The following TECRL variants were observed in gnomAD, a reference collection of about 807,000 sequenced individuals.
TECRL encodes trans-2,3-enoyl-CoA reductase like.
Under a neutral mutation model 52.8 loss-of-function variants are expected in TECRL, and 63 were observed. The ratio of observed to expected loss-of-function variants is 1.19; its 90% CI spans 0.97 to 1.47. The LOEUF (loss-of-function observed/expected upper bound fraction) is 1.47, where lower values mean the gene tolerates loss of function less well. TECRL is among the 40% of genes most tolerant of loss of function. The pLI, the probability that TECRL is intolerant of heterozygous loss-of-function variation, is 0.00. For missense variants in TECRL, 482 were observed against 429.6 expected (o/e 1.12, Z -1.08); for synonymous variants, 164 against 141.9 (o/e 1.16, Z -1.10).
chr4:64,282,685 G>A (rs1306295892), intron 9 of TECRL, among the ~76,000 whole-genome samples: 1 of 151,994 alleles, frequency 6.6e-6, no homozygotes, highest in Non-Finnish European at 1.5e-5. Context: ...CCCTAGAGGT[G>A]TGGAATGATC....
intron 2 of TECRL, among the ~76,000 whole-genome samples, chr4:64,361,044 T>G (rs1006156535): frequency 6.9e-6 from 1 of 144,880 alleles, no homozygotes; most frequent in Non-Finnish European, 1.5e-5. Flanking sequence ...GCCTTCCCCA[T>G]GTGACAGGGC....
chr4:64,371,083 T>A (rs1215780114), intron 2 of TECRL, among the ~76,000 whole-genome samples: 2 of 151,690 alleles, frequency 1.3e-5, no homozygotes, highest in Non-Finnish European at 3.0e-5. Flanking sequence ...ATCACAGAAG[T>A]GGTCATCCAT....
chr4:64,365,495 C>T (rs1275732708), intron 2 of TECRL, among the ~76,000 whole-genome samples: 4 of 152,078 alleles, frequency 2.6e-5, no homozygotes, highest in African/African-American at 9.7e-5. Flanking sequence ...ATAGTCTGGG[C>T]TCAAAGGCTC....
At chr4:64,280,871 C>A (rs914801237) in intron 11 of TECRL, among the ~76,000 whole-genome samples, 170 bp downstream of exon 11, 1 of 152,050 alleles carries the variant, frequency 6.6e-6, no homozygotes, top group Non-Finnish European at 1.5e-5. Flanking sequence ...AGACAAAGAG[C>A]AAAAGTACTT....
chr4:64,344,251 T>C (rs553802878), intron 2 of TECRL, among the ~76,000 whole-genome samples: 2 of 152,162 alleles, frequency 1.3e-5, no homozygotes, highest in South Asian at 4.1e-4. Context: ...TCTATTTATA[T>C]CTCTATATAA....
intron 8 of TECRL, among the ~76,000 whole-genome samples, chr4:64,294,216 A>T (rs1421491133): frequency 2.0e-5 from 3 of 151,822 alleles, no homozygotes; most frequent in Non-Finnish European, 4.4e-5. Context: ...CAAACTCCTG[A>T]CCTCAAGTGA....
intron 2 of TECRL, among the ~76,000 whole-genome samples, chr4:64,330,586 T>C (rs1004292097): frequency 2.6e-5 from 4 of 152,096 alleles, no homozygotes; most frequent in African/African-American, 9.7e-5. Context: ...GAAGAATACT[T>C]GACCCTTGGA....
intron 8 of TECRL, among the ~76,000 whole-genome samples, chr4:64,290,061 TGG>T (rs997733966): frequency 5.3e-5 from 8 of 152,194 alleles, no homozygotes. Context: ...CTTGTTACTA[TGG>T]GGAGACTTCC....
At chr4:64,378,430 G>A (rs1039311688) in intron 1 of TECRL, among the ~76,000 whole-genome samples, 1 of 152,020 alleles carries the variant, frequency 6.6e-6, no homozygotes, top group Non-Finnish European at 1.5e-5. Context: ...AGCAGGGCAT[G>A]GAGGGGTGTG....
At chr4:64,375,420 TG>T (rs1722330420) in intron 1 of TECRL, among the ~76,000 whole-genome samples, 197 bp from the exon 2 acceptor site, 1 of 151,994 alleles carries the variant, frequency 6.6e-6, no homozygotes. Flanking sequence ...TAAAAAAATT[TG>T]TTTGTATACA....
At chr4:64,276,846 C>A (rs1722592226), downstream of TECRL, 1 of 371,488 alleles carries the variant, frequency 2.7e-6, no homozygotes, top group East Asian at 3.8e-5. Flanking sequence ...TAAGTGTGCA[C>A]ATTTACACAC....
intron 8 of TECRL, among the ~76,000 whole-genome samples, chr4:64,295,675 A>G (rs1325466766): frequency 6.6e-6 from 1 of 151,858 alleles, no homozygotes; most frequent in Non-Finnish European, 1.5e-5. Context: ...TTCTTTTTAC[A>G]TTAGATTCGA....
In TECRL at chr4:64,352,692, A is replaced by G. The variant is rs370072377; in HGVS notation, c.286+22480T>C. Reference sequence around the variant, plus strand: ...TTGAAGCTGCTTTAAAAGCATGTATATGCTCATGCACATACATATCCAAAC... The same window carrying G: ...TTGAAGCTGCTTTAAAAGCATGTATGTGCTCATGCACATACATATCCAAAC... On this transcript the variant is annotated intron_variant, in intron 2 of 11. Coordinates refer to ENST00000381210, the MANE Select transcript of TECRL (RefSeq NM_001010874.5). 4.6e-5 allele frequency among the ~76,000 whole-genome samples: 7 copies of G among 152,312 alleles called. No individual in the cohort carries two copies. The East Asian group carries it at 1.3e-3, about 29-fold the overall frequency.
In TECRL at chr4:64,279,685, C is replaced by A. The variant is rs1197863683; in HGVS notation, c.*387G>T. Reference sequence around the variant, plus strand: ...TAATGTTGAGCATTTTAAAAATATACTTATTGACCATGTATATGTCTTCCT... The same window carrying A: ...TAATGTTGAGCATTTTAAAAATATAATTATTGACCATGTATATGTCTTCCT... On this transcript the variant is annotated 3_prime_UTR_variant, in exon 12 of 12. Coordinates refer to ENST00000381210, the MANE Select transcript of TECRL (RefSeq NM_001010874.5). 1.4e-5 allele frequency: 9 copies of A among 622,028 alleles called. No homozygotes were observed. Among genetic ancestry groups the A allele is most frequent in the Non-Finnish European group, 1.8e-5 (9 of 498,480 alleles). The allele number at this position is 622,028 out of a possible 1,614,324, so 38.5% of individuals were successfully genotyped here.
chr4:64,290,462 T>A (rs768524443), intron 8 of TECRL, among the ~76,000 whole-genome samples: 36 of 152,174 alleles, frequency 2.4e-4, no homozygotes, highest in African/African-American at 8.7e-4. Flanking sequence ...ATTTGACATA[T>A]AAATACTATG....
chr4:64,332,531 A>C (rs1048477084), intron 2 of TECRL, among the ~76,000 whole-genome samples: 2 of 152,230 alleles, frequency 1.3e-5, no homozygotes, highest in African/African-American at 4.8e-5. Flanking sequence ...AAGACAAGAC[A>C]TGATGAAAAA....
In TECRL at chr4:64,305,220, C is replaced by T. The variant is rs748448578; in HGVS notation, c.676G>A (p.Gly226Arg). ...TAGTAGGCAATCCAAGAAGTAAATCCCCAGTAAAAGGCACAACTCTGCAAA... is the reference window on the plus strand; with the variant it reads ...TAGTAGGCAATCCAAGAAGTAAATCTCCAGTAAAAGGCACAACTCTGCAAA... ...NLIMSCAFYW[G>R]FTSWIAYYIN... Residue 226 changes from glycine to arginine, a missense_variant, in exon 7 of 12, where the codon GGA (glycine) becomes AGA (arginine). Gly to Arg is a moderately radical substitution (Grantham distance 125). Transcript: ENST00000381210. 1.2e-6 allele frequency: 2 copies of T among 1,611,914 alleles called. No homozygotes were observed. Among genetic ancestry groups the T allele is most frequent in the Non-Finnish European group, 1.7e-6 (2 of 1,178,860 alleles).
chr4:64,392,126 A>T (rs1041230535), intron 1 of TECRL, among the ~76,000 whole-genome samples: 2 of 151,952 alleles, frequency 1.3e-5, no homozygotes, highest in African/African-American at 4.8e-5. Context: ...GTCATCTGCA[A>T]CATTGACTGT....
At chr4:64,333,092 A>C (rs1718763555) in intron 2 of TECRL, among the ~76,000 whole-genome samples, 2 of 152,060 alleles carry the variant, frequency 1.3e-5, no homozygotes, top group Non-Finnish European at 2.9e-5. Flanking sequence ...AGATCTATAT[A>C]CTGAATATAT....
Sources: allele counts gnomAD v4.1 joint callset (sites outside exome capture counted in the v4.1 genomes callset), GRCh38; gene constraint gnomAD v4.1.1; transcripts MANE v1.5; gene names NCBI Gene and HGNC (gene_info 2026-07-23, HGNC 2026-07-21).